GLB1L3: variants seen among roughly 807,000 people sequenced by gnomAD.
GLB1L3 encodes the protein beta-galactosidase-1-like protein 3.
Under a neutral mutation model 89.5 loss-of-function variants are expected in GLB1L3, and 89 were observed. The ratio of observed to expected loss-of-function variants is 0.99; its 90% CI spans 0.84 to 1.19. The LOEUF (loss-of-function observed/expected upper bound fraction) is 1.19. Ranked by LOEUF, GLB1L3 falls within the 50% of genes most tolerant of loss-of-function variation. The pLI, the probability that GLB1L3 is intolerant of heterozygous loss-of-function variation, is 0.00. For synonymous variants in GLB1L3, 314 were observed against 312.3 expected, an observed-to-expected ratio of 1.01 and a Z score of -0.06; for missense variants, 812 against 813.3, an observed-to-expected ratio of 1.00 and a Z score of 0.02.
chr11:134,308,949 G>C (rs1054095618), intron 10 of GLB1L3, among the ~76,000 whole-genome samples: 9 of 152,188 alleles, frequency 5.9e-5, no homozygotes, highest in Non-Finnish European at 1.0e-4. Flanking sequence ...GGCCAGTGGA[G>C]AGATGATTGC....
chr11:134,297,635 C>T (rs918715500), intron 9 of GLB1L3, among the ~76,000 whole-genome samples: 4 of 151,694 alleles, frequency 2.6e-5, no homozygotes, highest in African/African-American at 2.4e-5. Flanking sequence ...CCGAGGTGGG[C>T]GGATCATTTG....
intron 3 of GLB1L3, 34 bp downstream of exon 3, chr11:134,277,946 T>G: frequency 6.2e-7 from 1 of 1,605,474 alleles, no homozygotes; most frequent in Non-Finnish European, 8.5e-7. Context: ...AGGATCTCGT[T>G]ACCCTACAAG....
chr11:134,321,022 C>A (rs115216117), downstream of GLB1L3, among the ~76,000 whole-genome samples: 722 of 152,220 alleles, frequency 4.7e-3, 4 homozygotes, highest in African/African-American at 0.017. Flanking sequence ...ATGCCACGAG[C>A]AGATGGAAAG....
rs949426022 is a variant in GLB1L3, at chr11:134,276,625, C to A, written c.-116C>A. 1 of 962,780 alleles carries A rather than the reference C, an allele frequency of 1.0e-6. No individual in the cohort carries two copies. 59.6% of individuals were successfully genotyped at this position (962,780 alleles called of 1,614,324 possible). A position where few individuals can be genotyped will look rare whatever the true frequency, so the allele number is the denominator to read the frequency against. ...CTGCCTCGGCTGCAGGCGCAGCGCG[C>A]AGACCTGAGCCTGCCCCGCGGAACC... On this transcript the variant is annotated 5_prime_UTR_variant, in exon 1 of 20. Coordinates refer to ENST00000431683, the MANE Select transcript of GLB1L3 (RefSeq NM_001080407.3).
chr11:134,308,258 A>ACCC (rs1942358087), intron 10 of GLB1L3, among the ~76,000 whole-genome samples: 2 of 42,050 alleles, frequency 4.8e-5, no homozygotes, highest in African/African-American at 1.3e-4. Context: ...CACCATCACC[A>ACCC]CCACCACCAC....
In GLB1L3 at chr11:134,277,318, C is replaced by T. The variant is rs759319866; in HGVS notation, c.24-8C>T. ...TCCCCTTGTCACTGTTGTCCTTTCT[C>T]CTTTCAGCCCGTGTCTCTCCTGGAA... On this transcript the variant is annotated splice_polypyrimidine_tract_variant and splice_region_variant and intron_variant, in intron 1 of 19. Transcript: ENST00000431683. 8.7e-6 allele frequency: 14 copies of T among 1,613,880 alleles called. No individual in the cohort carries two copies. The highest frequency in any genetic ancestry group is 1.2e-5 in the Non-Finnish European group (14 of 1,179,884).
chr11:134,290,352 C>T (rs1263156951), intron 7 of GLB1L3, among the ~76,000 whole-genome samples: 1 of 152,126 alleles, frequency 6.6e-6, no homozygotes, highest in Non-Finnish European at 1.5e-5. Context: ...GTGGGTGGAT[C>T]ACCTGAGGTC....
chr11:134,302,901 G>T (rs191098914), intron 9 of GLB1L3, among the ~76,000 whole-genome samples: 58 of 152,150 alleles, frequency 3.8e-4, no homozygotes, highest in African/African-American at 1.3e-3. Context: ...TGGTTGTATT[G>T]GTCACTGAAA....
At chr11:134,292,364 T>G in intron 8 of GLB1L3, 151 bp downstream of exon 8, 1 of 602,456 alleles carries the variant, frequency 1.7e-6, no homozygotes, top group Non-Finnish European at 3.0e-6. Flanking sequence ...TTACAATAAA[T>G]GAGGACTCAA....
At chr11:134,278,606 G>A (rs1940514259) in intron 3 of GLB1L3, among the ~76,000 whole-genome samples, 1 of 152,104 alleles carries the variant, frequency 6.6e-6, no homozygotes, top group South Asian at 2.1e-4. Context: ...CCACAAAAAA[G>A]CAAAACTGCT....
intron 5 of GLB1L3, among the ~76,000 whole-genome samples, chr11:134,283,256 G>A (rs1334898253): frequency 2.6e-5 from 4 of 152,128 alleles, no homozygotes; most frequent in Non-Finnish European, 5.9e-5. Flanking sequence ...GGAGACGGGA[G>A]TTTCGCCACG....
At chr11:134,315,377 G>T (rs948726041) in intron 18 of GLB1L3, among the ~76,000 whole-genome samples, 1 of 152,130 alleles carries the variant, frequency 6.6e-6, no homozygotes, top group African/African-American at 2.4e-5. Context: ...TTAGGAAGGC[G>T]AATTTGTGTA....
rs768973702 is a variant in GLB1L3, at chr11:134,318,956, C to G, written c.*14C>G. 4.5e-6 allele frequency: 6 copies of G among 1,321,258 alleles called. No homozygotes were observed. In the Admixed American group the frequency reaches 1.2e-4, roughly 25 times the overall value. 81.8% of individuals were successfully genotyped at this position (1,321,258 alleles called of 1,614,324 possible). On this transcript the variant is annotated 3_prime_UTR_variant, in exon 20 of 20. Coordinates refer to ENST00000431683, the MANE Select transcript of GLB1L3 (RefSeq NM_001080407.3). ...CCCACGCTGTAAAACTGTGTCTGAA[C>G]ATTTTTTTTTTTTTTTGAGATGGAG... is the stretch of plus-strand genomic sequence containing the variant.
At chr11:134,318,404 A>G (rs1420021150) in intron 18 of GLB1L3, among the ~76,000 whole-genome samples, 1 of 152,236 alleles carries the variant, frequency 6.6e-6, no homozygotes, top group Non-Finnish European at 1.5e-5. Flanking sequence ...TATATATCAC[A>G]TAACAGGAAC....
intron 5 of GLB1L3, among the ~76,000 whole-genome samples, chr11:134,283,316 G>A (rs1940800914): frequency 2.0e-5 from 3 of 152,070 alleles, no homozygotes; most frequent in South Asian, 2.1e-4. Flanking sequence ...TGCCCACCTC[G>A]GCCTCCCAAA....
chr11:134,316,988 G>A (rs142186910), intron 18 of GLB1L3: 175 of 150,564 alleles, frequency 1.2e-3, no homozygotes, highest in Middle Eastern at 6.8e-3. Context: ...TTGGCAGGTA[G>A]TATTCAACCT....
At position 134,319,194 on chromosome 11, in the gene GLB1L3, T is replaced by C. The variant is rs945070892; in HGVS notation, c.*252T>C. ...TGGTCCCAATCTCCTGACCTTGTGA[T>C]CTGCTCTCCTCAGCCTCCCAAAGTA... On this transcript the variant is annotated 3_prime_UTR_variant, in exon 20 of 20. Transcript: ENST00000431683. 2.4e-6 allele frequency: 1 copy of C among 411,110 alleles called. No individual in the cohort carries two copies. Among genetic ancestry groups the C allele is most frequent in the African/African-American group, 2.0e-5 (1 of 49,120 alleles). The allele number at this position is 411,110 out of a possible 1,614,324, so 25.5% of individuals were successfully genotyped here.
At chr11:134,312,544 G>A (rs1591590581) in intron 14 of GLB1L3, 55 bp downstream of exon 14, 2 of 1,588,154 alleles carry the variant, frequency 1.3e-6, no homozygotes, top group Non-Finnish European at 1.7e-6. Flanking sequence ...TCCCCATGCT[G>A]TCGGGCAGGG....
chr11:134,311,655 C>T (rs1280121314), intron 13 of GLB1L3: 2 of 154,836 alleles, frequency 1.3e-5, no homozygotes, highest in Non-Finnish European at 2.9e-5. Context: ...CCTCTGCTAT[C>T]ACTATTTTAG....
Sources: gnomAD v4.1 joint callset for allele counts (sites outside exome capture counted in the v4.1 genomes callset) on GRCh38, gnomAD v4.1.1 for gene constraint, MANE v1.5 for transcripts, NCBI Gene and HGNC (gene_info 2026-07-23, HGNC 2026-07-21) for gene names.